The following UBE3C variants were observed in gnomAD, a reference collection of about 807,000 sequenced individuals.
The protein encoded by UBE3C is ubiquitin-protein ligase E3C.
Under a neutral mutation model 129.4 loss-of-function variants are expected in UBE3C, and 42 were observed. That is an observed-to-expected ratio of 0.32 (90% confidence interval 0.25 to 0.42). The LOEUF (loss-of-function observed/expected upper bound fraction) is 0.42. Ranked by LOEUF, UBE3C falls within the 10% of genes least tolerant of loss-of-function variation. UBE3C has a pLI of 1.00. For missense variants in UBE3C, 1,049 were observed against 1,319.1 expected, an observed-to-expected ratio of 0.80 and a Z score of 3.17; for synonymous variants, 510 against 492.4, an observed-to-expected ratio of 1.04 and a Z score of -0.47.
At chr7:157,264,262 G>C (rs556840250) in intron 22 of UBE3C, among the ~76,000 whole-genome samples, 96 of 121,234 alleles carry the variant, frequency 7.9e-4, no homozygotes, top group African/African-American at 3.1e-3. Context: ...CACACACCTG[G>C]TACTACAGGT....
chr7:157,258,381 T>C (rs1796811353), intron 22 of UBE3C, among the ~76,000 whole-genome samples: 2 of 152,240 alleles, frequency 1.3e-5, no homozygotes, highest in African/African-American at 4.8e-5. Context: ...GGCAATGTAG[T>C]AGCGAGATCC....
rs376330522 is a variant in UBE3C at position 157,169,227 on chromosome 7, ATTC to A, written c.195+109_195+111del. 5.5e-4 allele frequency: 398 copies of A among 723,888 alleles called. 3 individuals are homozygous for A. The African/African-American group carries it at 6.0e-3, about 11-fold the overall frequency. 44.8% of individuals were successfully genotyped at this position (723,888 alleles called of 1,614,324 possible). A position where few individuals can be genotyped will look rare whatever the true frequency, so the allele number is the denominator to read the frequency against. Reference sequence around the variant, plus strand: ...AATTGAAGTCAATGCTGACAGTAGTATTCTTCCCAATAAATAATTTTATTTGTT... The same window carrying A: ...AATTGAAGTCAATGCTGACAGTAGTATTCCCAATAAATAATTTTATTTGTT... On this transcript the variant is annotated intron_variant, in intron 3 of 22. Coordinates refer to ENST00000348165, the MANE Select transcript of UBE3C (RefSeq NM_014671.3).
At chr7:157,244,560 G>A (rs574810668) in intron 18 of UBE3C, among the ~76,000 whole-genome samples, 2 of 152,310 alleles carry the variant, frequency 1.3e-5, no homozygotes, top group South Asian at 4.1e-4. Flanking sequence ...AGAGCTGCCT[G>A]AAGATTGATA....
intron 1 of UBE3C, among the ~76,000 whole-genome samples, chr7:157,145,089 G>A (rs1807568268): frequency 6.6e-6 from 1 of 152,110 alleles, no homozygotes; most frequent in Non-Finnish European, 1.5e-5. Flanking sequence ...GGCCAACGTG[G>A]TGAAACCCCG....
At chr7:157,236,023 A>G (rs181321806) in intron 18 of UBE3C, among the ~76,000 whole-genome samples, 1 of 152,334 alleles carries the variant, frequency 6.6e-6, no homozygotes, top group African/African-American at 2.4e-5. Context: ...TGCATATGTT[A>G]GTGATTGTTT....
intron 2 of UBE3C, among the ~76,000 whole-genome samples, chr7:157,165,246 G>A (rs1370858228): frequency 1.3e-5 from 2 of 151,970 alleles, no homozygotes; most frequent in Non-Finnish European, 2.9e-5. Context: ...CTACTTGGAC[G>A]CAAACTGTAA....
chr7:157,153,667 G>A (rs958317960), intron 1 of UBE3C, among the ~76,000 whole-genome samples: 5 of 152,090 alleles, frequency 3.3e-5, no homozygotes, highest in East Asian at 1.9e-4. Context: ...CTTGCTCTAA[G>A]AATGGTTGCG....
At chr7:157,194,429 G>C (rs1563050809) in intron 10 of UBE3C, among the ~76,000 whole-genome samples, 1 of 152,114 alleles carries the variant, frequency 6.6e-6, no homozygotes, top group Non-Finnish European at 1.5e-5. Context: ...AGCATATTCA[G>C]GTCATCTGGC....
At chr7:157,215,554 AATAG>A (rs1432831995) in intron 13 of UBE3C, among the ~76,000 whole-genome samples, 2 of 148,344 alleles carry the variant, frequency 1.3e-5, no homozygotes, top group Non-Finnish European at 3.0e-5. Flanking sequence ...GTATATATAT[AATAG>A]ATATATATTA....
chr7:157,244,124 C>T (rs753043589), intron 18 of UBE3C, among the ~76,000 whole-genome samples: 21 of 151,938 alleles, frequency 1.4e-4, no homozygotes, highest in African/African-American at 1.9e-4. Flanking sequence ...CAGCTGCTCG[C>T]GAGGCTGAGG....
intron 1 of UBE3C, among the ~76,000 whole-genome samples, chr7:157,143,014 T>C (rs1297628995): frequency 6.6e-6 from 1 of 152,024 alleles, no homozygotes; most frequent in Admixed American, 6.6e-5. Context: ...ATTACAGGCC[T>C]GCACCACCAC....
At chr7:157,202,539 C>G (rs1406734573) in intron 11 of UBE3C, among the ~76,000 whole-genome samples, 1 of 152,106 alleles carries the variant, frequency 6.6e-6, no homozygotes, top group Non-Finnish European at 1.5e-5. Flanking sequence ...TGCCTGTAAT[C>G]CCAGCTACTT....
intron 1 of UBE3C, 63 bp downstream of exon 1, chr7:157,139,401 G>GGACTCGGGGTTGGACTCGGGGCTA: frequency 7.4e-7 from 1 of 1,349,426 alleles, no homozygotes; most frequent in Non-Finnish European, 9.5e-7. Context: ...CTCGGGGCTG[G>GGACTCGGGGTTGGACTCGGGGCTA]GACTCGGGGC....
chr7:157,246,309 G>T (rs771320017), intron 18 of UBE3C, among the ~76,000 whole-genome samples: 4 of 152,178 alleles, frequency 2.6e-5, no homozygotes, highest in Non-Finnish European at 4.4e-5. Context: ...ACTCCCCACA[G>T]GAGCAGTGGC....
intron 1 of UBE3C, among the ~76,000 whole-genome samples, chr7:157,141,392 G>A (rs1213141052): frequency 6.6e-6 from 1 of 152,194 alleles, no homozygotes; most frequent in African/African-American, 2.4e-5. Flanking sequence ...GGGGGACGCT[G>A]TCACTAGTCC....
intron 1 of UBE3C, among the ~76,000 whole-genome samples, chr7:157,155,452 T>C (rs1261324636): frequency 6.6e-6 from 1 of 152,170 alleles, no homozygotes; most frequent in Non-Finnish European, 1.5e-5. Context: ...TCAAGATATT[T>C]ACAAACATGC....
At chr7:157,245,187 A>G (rs1398788355) in intron 18 of UBE3C, among the ~76,000 whole-genome samples, 1 of 152,228 alleles carries the variant, frequency 6.6e-6, no homozygotes, top group Non-Finnish European at 1.5e-5. Context: ...ATGCATTTAC[A>G]TTTTATGAGT....
At chr7:157,156,720 A>G (rs1169984586) in intron 1 of UBE3C, among the ~76,000 whole-genome samples, 3 of 151,930 alleles carry the variant, frequency 2.0e-5, no homozygotes, top group African/African-American at 7.3e-5. Flanking sequence ...TTTTAAAAAA[A>G]AAAAAAAAAA....
At chr7:157,259,725 T>G (rs910095780) in intron 22 of UBE3C, among the ~76,000 whole-genome samples, 2 of 152,086 alleles carry the variant, frequency 1.3e-5, no homozygotes, top group Non-Finnish European at 2.9e-5. Context: ...GGGCTGGAGG[T>G]GGCAGCGGGA....
Sources: gnomAD v4.1 joint callset for allele counts (sites outside exome capture counted in the v4.1 genomes callset) on GRCh38, gnomAD v4.1.1 for gene constraint, MANE v1.5 for transcripts, NCBI Gene and HGNC (gene_info 2026-07-23, HGNC 2026-07-21) for gene names.